FGF14: variants seen among roughly 807,000 people sequenced by gnomAD.
FGF14 encodes the protein fibroblast growth factor homologous factor 4.
FGF14 carries 5 observed loss-of-function variants against 25.5 expected under a neutral mutation model. That is an observed-to-expected ratio of 0.20 (90% CI 0.10 to 0.41). The LOEUF is 0.41. FGF14 is among the 10% of genes least tolerant of loss of function. The probability of loss-of-function intolerance (pLI) is 1.00; values close to 1 mark genes in which losing one functional copy is unlikely to be tolerated. For missense variants in FGF14, 222 were observed against 320.1 expected, an observed-to-expected ratio of 0.69 and a Z score of 2.34; for synonymous variants, 138 against 118.3, an observed-to-expected ratio of 1.17 and a Z score of -1.08.
chr13:101,731,414 C>G (rs1304944409), intron 3 of FGF14, among the ~76,000 whole-genome samples: 1 of 152,138 alleles, frequency 6.6e-6, no homozygotes, highest in Non-Finnish European at 1.5e-5. Flanking sequence ...CCAGCAGAAG[C>G]TTGAATATTA....
At chr13:102,192,006 C>T (rs2049143263) in intron 1 of FGF14, among the ~76,000 whole-genome samples, 1 of 152,164 alleles carries the variant, frequency 6.6e-6, no homozygotes, top group Non-Finnish European at 1.5e-5. Context: ...TCATTTAATG[C>T]CATTTATTCT....
chr13:101,953,587 T>A (rs977218954), intron 1 of FGF14, among the ~76,000 whole-genome samples: 1 of 149,322 alleles, frequency 6.7e-6, no homozygotes. Flanking sequence ...TATATATATA[T>A]AATTTTTATT....
At chr13:102,216,386 T>A (rs972334865) in intron 1 of FGF14, among the ~76,000 whole-genome samples, 9 of 152,162 alleles carry the variant, frequency 5.9e-5, no homozygotes, top group African/African-American at 2.2e-4. Context: ...ACAGCAGGAT[T>A]GAGGTAACAT....
intron 1 of FGF14, among the ~76,000 whole-genome samples, chr13:101,933,289 T>C (rs531808630): frequency 6.6e-6 from 1 of 152,238 alleles, no homozygotes; most frequent in East Asian, 1.9e-4. Context: ...ATTTGTTCTA[T>C]GAATAATGGG....
chr13:102,277,752 C>T (rs1160014755), intron 1 of FGF14, among the ~76,000 whole-genome samples: 1 of 152,246 alleles, frequency 6.6e-6, no homozygotes, highest in Non-Finnish European at 1.5e-5. Flanking sequence ...GCCATTCAAA[C>T]CCTTCTCTGC....
intron 1 of FGF14, among the ~76,000 whole-genome samples, chr13:102,318,117 C>G (rs2056104148): frequency 6.6e-6 from 1 of 152,184 alleles, no homozygotes; most frequent in Non-Finnish European, 1.5e-5. Context: ...AGGCCCCAGC[C>G]ACCTGGGTCT....
chr13:102,130,855 T>C (rs925860700), intron 1 of FGF14, among the ~76,000 whole-genome samples: 2 of 152,152 alleles, frequency 1.3e-5, no homozygotes, highest in Non-Finnish European at 2.9e-5. Context: ...AAATCCACTA[T>C]ACCCGAAGGC....
chr13:102,155,932 A>G (rs1318267751), intron 1 of FGF14, among the ~76,000 whole-genome samples: 1 of 152,226 alleles, frequency 6.6e-6, no homozygotes, highest in Non-Finnish European at 1.5e-5. Flanking sequence ...ATTCCTCGAC[A>G]CATACACTCT....
At chr13:102,105,047 C>A (rs1397803470) in intron 1 of FGF14, among the ~76,000 whole-genome samples, 3 of 152,158 alleles carry the variant, frequency 2.0e-5, no homozygotes, top group Admixed American at 6.5e-5. Context: ...AGGAAAATAT[C>A]AATTTTCTAA....
intron 1 of FGF14, among the ~76,000 whole-genome samples, chr13:102,271,775 C>A (rs753461811): frequency 6.6e-6 from 1 of 152,146 alleles, no homozygotes; most frequent in Non-Finnish European, 1.5e-5. Flanking sequence ...AAGTAGACAG[C>A]ATGGCACAAA....
At chr13:102,370,397 A>C (rs1212688877) in intron 1 of FGF14, among the ~76,000 whole-genome samples, 6 of 152,084 alleles carry the variant, frequency 3.9e-5, no homozygotes, top group Non-Finnish European at 8.8e-5. Context: ...AGATACATAC[A>C]TATATTTATG....
intron 1 of FGF14, among the ~76,000 whole-genome samples, chr13:102,252,252 C>A (rs1360474386): frequency 6.6e-6 from 1 of 152,174 alleles, no homozygotes; most frequent in Non-Finnish European, 1.5e-5. Flanking sequence ...TGAGGCAAGA[C>A]CCAGCCCTGC....
At chr13:101,853,339 T>G (rs1049285211) in intron 3 of FGF14, among the ~76,000 whole-genome samples, 2 of 152,128 alleles carry the variant, frequency 1.3e-5, no homozygotes. Flanking sequence ...AAGAAGCAAC[T>G]TTGACACTAA....
chr13:102,318,697 C>T (rs2056128685), intron 1 of FGF14, among the ~76,000 whole-genome samples: 1 of 152,124 alleles, frequency 6.6e-6, no homozygotes, highest in African/African-American at 2.4e-5. Flanking sequence ...TCTAGCATGA[C>T]CTTATCATGA....
At chr13:101,993,441 A>C (rs1411237478) in intron 1 of FGF14, among the ~76,000 whole-genome samples, 1 of 152,044 alleles carries the variant, frequency 6.6e-6, no homozygotes, top group East Asian at 1.9e-4. Flanking sequence ...GTAAACATAA[A>C]ATATGTTCTT....
chr13:102,152,540 C>T (rs1310409514), intron 1 of FGF14, among the ~76,000 whole-genome samples: 1 of 152,130 alleles, frequency 6.6e-6, no homozygotes, highest in Non-Finnish European at 1.5e-5. Context: ...GACTTAATAC[C>T]TATCTCCGAA....
Position 101,812,626 on chromosome 13 carries a change from TATATATATATATATATATA to T in FGF14, c.408+56080_408+56098del, listed in dbSNP as rs2041589936. On this transcript the variant is annotated intron_variant, in intron 3 of 4. Transcript: ENST00000376143. ...ATTTTTAAAACTATATATATATATA[TATATATATATATATATATA>T]TATATATATTTTTTTTTTTTTTTTT... 9.1e-4 allele frequency among the ~76,000 whole-genome samples: 9 copies of T among 9,864 alleles called. 1 individual carries two copies. In the East Asian group the frequency reaches 9.5e-3, roughly 10 times the overall value. 6.5% of individuals were successfully genotyped at this position (9,864 alleles called of 152,430 possible). A position where few individuals can be genotyped will look rare whatever the true frequency, so the allele number is the denominator to read the frequency against.
intron 1 of FGF14, among the ~76,000 whole-genome samples, chr13:101,946,210 A>C (rs2035793445): frequency 6.6e-6 from 1 of 151,956 alleles, no homozygotes; most frequent in Non-Finnish European, 1.5e-5. Flanking sequence ...TTTCACCCTC[A>C]GGACTCCCAT....
chr13:102,037,828 C>T (rs563929148), intron 1 of FGF14, among the ~76,000 whole-genome samples: 1 of 152,130 alleles, frequency 6.6e-6, no homozygotes, highest in African/African-American at 2.4e-5. Flanking sequence ...AGACACCATG[C>T]TTGCCCAATG....
Sources: gnomAD v4.1 joint callset for allele counts (sites outside exome capture counted in the v4.1 genomes callset) on GRCh38, gnomAD v4.1.1 for gene constraint, MANE v1.5 for transcripts, NCBI Gene and HGNC (gene_info 2026-07-23, HGNC 2026-07-21) for gene names.